Variants in DNM3 observed in about 807,000 individuals in gnomAD.
DNM3 encodes the protein dynamin-3.
DNM3 carries 47 observed loss-of-function variants against 101.6 expected under a neutral mutation model. The observed-to-expected ratio is 0.46, with a 90% confidence interval of 0.37 to 0.59. The LOEUF is 0.59. DNM3 is among the 20% of genes least tolerant of loss of function. The pLI is 0.00. For missense variants in DNM3, 849 were observed against 1,085.7 expected, an observed-to-expected ratio of 0.78 and a Z score of 3.06; for synonymous variants, 385 against 387.9, an observed-to-expected ratio of 0.99 and a Z score of 0.09.
Position 172,412,328 on chromosome 1 carries a change from TA to T in DNM3, c.*4492del. ...CTTGCCTTGTCTGCTACCAGTTTGT[TA>T]AAAATTATTCCCCCCAACCAGTAAT... is the stretch of plus-strand genomic sequence containing the variant. On this transcript the variant is annotated 3_prime_UTR_variant, in exon 21 of 21. Transcript: ENST00000627582. 1 of 985,608 alleles carries T rather than the reference TA, an allele frequency of 1.0e-6. No individual in the cohort carries two copies. Among genetic ancestry groups the T allele is most frequent in the Non-Finnish European group, 1.2e-6 (1 of 829,908 alleles). The allele number at this position is 985,608 out of a possible 1,614,324, so 61.1% of individuals were successfully genotyped here. A position where few individuals can be genotyped will look rare whatever the true frequency, so the allele number is the denominator to read the frequency against.
chr1:171,913,300 C>T (rs1002616804), intron 1 of DNM3, among the ~76,000 whole-genome samples: 5 of 152,102 alleles, frequency 3.3e-5, no homozygotes, highest in Non-Finnish European at 7.4e-5. Context: ...CATTGTATTT[C>T]CTGCAATTGA....
At chr1:172,416,684 T>C (rs2071436758), downstream of DNM3, among the ~76,000 whole-genome samples, 1 of 152,216 alleles carries the variant, frequency 6.6e-6, no homozygotes, top group Non-Finnish European at 1.5e-5. Flanking sequence ...GCTGAGGTCA[T>C]TAAAGTGTTC....
At chr1:172,368,601 G>A (rs867801634) in intron 17 of DNM3, among the ~76,000 whole-genome samples, 1 of 151,652 alleles carries the variant, frequency 6.6e-6, no homozygotes, top group Non-Finnish European at 1.5e-5. Flanking sequence ...CCCAAAATTA[G>A]AAGGAAAGAA....
chr1:172,314,186 A>AG (rs2065207200), intron 16 of DNM3, among the ~76,000 whole-genome samples: 1 of 152,244 alleles, frequency 6.6e-6, no homozygotes, highest in African/African-American at 2.4e-5. Context: ...TGTTCACAAT[A>AG]GCAAAGACTT....
At chr1:172,164,261 G>A (rs1477099042) in intron 14 of DNM3, among the ~76,000 whole-genome samples, 1 of 108,830 alleles carries the variant, frequency 9.2e-6, no homozygotes, top group Non-Finnish European at 1.8e-5. Flanking sequence ...GCCTTACTAT[G>A]AACCAAAATA....
At chr1:172,190,000 GAATCACATTTCTTTTTTTTTTTT>G (rs2059650569) in intron 14 of DNM3, among the ~76,000 whole-genome samples, 1 of 146,330 alleles carries the variant, frequency 6.8e-6, no homozygotes. Flanking sequence ...CCAACATTGG[GAATCACATTTCTTTTTTTTTTTT>G]TTTTTCACTT....
intron 4 of DNM3, among the ~76,000 whole-genome samples, chr1:172,003,872 C>A (rs1460671357): frequency 1.3e-5 from 2 of 151,854 alleles, no homozygotes; most frequent in Non-Finnish European, 2.9e-5. Context: ...TTTTGACCAG[C>A]TGCTGTGGAG....
At chr1:172,025,039 T>C (rs2125768008) in intron 4 of DNM3, among the ~76,000 whole-genome samples, 1 of 152,316 alleles carries the variant, frequency 6.6e-6, no homozygotes, top group East Asian at 1.9e-4. Flanking sequence ...CTCAGCAAGC[T>C]AAGATCCACT....
chr1:172,404,197 A>G (rs1463432911), intron 20 of DNM3, among the ~76,000 whole-genome samples: 1 of 152,140 alleles, frequency 6.6e-6, no homozygotes, highest in Non-Finnish European at 1.5e-5. Flanking sequence ...CCAAGATATC[A>G]TAGTTACTTT....
chr1:172,304,393 C>T (rs983493260), intron 15 of DNM3, among the ~76,000 whole-genome samples: 1 of 151,868 alleles, frequency 6.6e-6, no homozygotes, highest in Non-Finnish European at 1.5e-5. Context: ...AAAGCAAGTC[C>T]TTAGAGACCT....
intron 20 of DNM3, among the ~76,000 whole-genome samples, chr1:172,401,381 C>T (rs1171647476): frequency 6.6e-6 from 1 of 152,082 alleles, no homozygotes; most frequent in Non-Finnish European, 1.5e-5. Context: ...GGGTGAAATC[C>T]AAGTCAGATA....
chr1:172,318,186 G>A (rs191617785), intron 16 of DNM3, among the ~76,000 whole-genome samples: 23 of 152,254 alleles, frequency 1.5e-4, no homozygotes, highest in Non-Finnish European at 1.3e-4. Context: ...AAATTCAACA[G>A]CCCTTCAGGC....
intron 16 of DNM3, among the ~76,000 whole-genome samples, chr1:172,314,188 C>G (rs2065207325): frequency 6.6e-6 from 1 of 152,158 alleles, no homozygotes; most frequent in African/African-American, 2.4e-5. Context: ...TTCACAATAG[C>G]AAAGACTTAG....
At position 171,987,943 on chromosome 1, in the gene DNM3, G is replaced by T. The variant is rs2045378899; in HGVS notation, c.385+138G>T. The T allele has an allele frequency of 3.8e-6, 3 of 786,478 alleles. No individual in the cohort carries two copies. In the East Asian group the frequency reaches 9.2e-5, roughly 24 times the overall value. The allele number at this position is 786,478 out of a possible 1,614,324, so 48.7% of individuals were successfully genotyped here. On this transcript the variant is annotated intron_variant, in intron 3 of 20. Transcript: ENST00000627582. The stretch of plus-strand genomic sequence containing the variant: ...TTTGGATACTGCCCATTAATGTTAT[G>T]GTTCAAAGAGCTCTTAAGACATTTA...
chr1:172,162,125 A>C (rs2058566938), intron 14 of DNM3, among the ~76,000 whole-genome samples: 1 of 152,080 alleles, frequency 6.6e-6, no homozygotes, highest in African/African-American at 2.4e-5. Flanking sequence ...GTTAGTAAAT[A>C]TTTTTATAAT....
chr1:172,397,857 G>T (rs529016480), intron 20 of DNM3, among the ~76,000 whole-genome samples: 1 of 152,096 alleles, frequency 6.6e-6, no homozygotes, highest in South Asian at 2.1e-4. Context: ...ACTGAAAAAC[G>T]CATGGAGTTA....
intron 2 of DNM3, among the ~76,000 whole-genome samples, chr1:171,977,779 T>C (rs2044486908): frequency 6.6e-6 from 1 of 152,236 alleles, no homozygotes; most frequent in Non-Finnish European, 1.5e-5. Flanking sequence ...GCCTTTAAGG[T>C]TGCATCTGCC....
At chr1:172,288,374 G>T (rs2063778734) in intron 15 of DNM3, among the ~76,000 whole-genome samples, 1 of 152,156 alleles carries the variant, frequency 6.6e-6, no homozygotes, top group African/African-American at 2.4e-5. Flanking sequence ...AGCTTTGTGT[G>T]TTCATGGAAC....
chr1:172,140,362 C>T (rs955677148), intron 14 of DNM3: 4 of 151,636 alleles, frequency 2.6e-5, no homozygotes, highest in Non-Finnish European at 4.4e-5. Context: ...GTAAACTTGG[C>T]TGTTATTTAA....
Sources: gnomAD v4.1 joint callset for allele counts (sites outside exome capture counted in the v4.1 genomes callset) on GRCh38, gnomAD v4.1.1 for gene constraint, MANE v1.5 for transcripts, NCBI Gene and HGNC (gene_info 2026-07-23, HGNC 2026-07-21) for gene names.